Variants in DAB1 observed in about 807,000 individuals in gnomAD.
DAB1 encodes DAB adaptor protein 1, also known as disabled homolog 1.
Under a neutral mutation model 64.6 loss-of-function variants are expected in DAB1, and 15 were observed. That is an observed-to-expected ratio of 0.23 (90% CI 0.16 to 0.36). The LOEUF (loss-of-function observed/expected upper bound fraction) is 0.36, where lower values mean the gene tolerates loss of function less well. Among genes scored for constraint, DAB1 ranks in the 10% least tolerant of loss-of-function variants. The pLI is 1.00. For missense variants in DAB1, 596 were observed against 706.7 expected, an observed-to-expected ratio of 0.84 and a Z score of 1.78; for synonymous variants, 235 against 251.9, an observed-to-expected ratio of 0.93 and a Z score of 0.64.
At chr1:57,612,060 T>A (rs888762975) in intron 7 of DAB1, among the ~76,000 whole-genome samples, 1 of 151,928 alleles carries the variant, frequency 6.6e-6, no homozygotes, top group Non-Finnish European at 1.5e-5. Flanking sequence ...CACACAGACA[T>A]CCCCAGGACT....
intron 5 of DAB1, among the ~76,000 whole-genome samples, chr1:57,964,146 G>T (rs564788363): frequency 5.9e-5 from 9 of 152,270 alleles, no homozygotes; most frequent in African/African-American, 2.2e-4. Context: ...GGCTTTAGTG[G>T]CTCTGATCCC....
At chr1:58,020,870 G>A (rs1646805391) in intron 5 of DAB1, among the ~76,000 whole-genome samples, 1 of 152,132 alleles carries the variant, frequency 6.6e-6, no homozygotes. Flanking sequence ...AGGGGTGATG[G>A]CGCACACCTG....
chr1:57,611,286 T>C (rs1645723705), intron 7 of DAB1, among the ~76,000 whole-genome samples: 1 of 152,066 alleles, frequency 6.6e-6, no homozygotes, highest in African/African-American at 2.4e-5. Flanking sequence ...CCTTCCCTTT[T>C]AGGTAACTCA....
chr1:58,485,531 T>C (rs1274014915), intron 3 of DAB1, among the ~76,000 whole-genome samples: 4 of 152,138 alleles, frequency 2.6e-5, no homozygotes, highest in Admixed American at 6.5e-5. Context: ...GTTATGACCA[T>C]ACATATTTCT....
intron 5 of DAB1, among the ~76,000 whole-genome samples, chr1:58,034,213 G>C (rs887584154): frequency 6.6e-6 from 1 of 152,162 alleles, no homozygotes; most frequent in South Asian, 2.1e-4. Flanking sequence ...TACCATATTT[G>C]AACTGCTCCT....
intron 9 of DAB1, chr1:57,033,370 A>G (rs1647025989): frequency 1.2e-5 from 19 of 1,612,658 alleles, no homozygotes; most frequent in Non-Finnish European, 1.6e-5. Context: ...ATTTAACACA[A>G]ACCTCAAGGC....
At chr1:58,528,979 CTG>C (rs985334402) in intron 1 of DAB1, among the ~76,000 whole-genome samples, 62 of 152,272 alleles carry the variant, frequency 4.1e-4, no homozygotes, top group African/African-American at 1.4e-3. Flanking sequence ...TTATGACCAA[CTG>C]TGCTGATTCC....
chr1:57,376,650 T>C (rs1047015159), intron 1 of DAB1, among the ~76,000 whole-genome samples: 66 of 152,322 alleles, frequency 4.3e-4, no homozygotes, highest in African/African-American at 1.5e-3. Context: ...GGGATGACTT[T>C]GTATGTCCAG....
At chr1:57,081,643 T>C (rs1652568037) in intron 4 of DAB1, among the ~76,000 whole-genome samples, 2 of 151,970 alleles carry the variant, frequency 1.3e-5, no homozygotes, top group Admixed American at 1.3e-4. Flanking sequence ...AACTGAGAGA[T>C]TTCTGAACAA....
In DAB1 at chr1:57,407,274, C is replaced by T. The variant is rs569092571; in HGVS notation, c.-137+16656G>A. ...AGAGACCACCAAGGTCACAGCAAAA[C>T]GTGACCTAGTTTTTGAAGGGAGAAA... is the stretch of plus-strand genomic sequence containing the variant. On this transcript the variant is annotated intron_variant, in intron 1 of 14. Coordinates refer to ENST00000371236, the MANE Select transcript of DAB1 (RefSeq NM_001365792.1). Among the ~76,000 whole-genome samples, 6 of 152,210 alleles carry T rather than the reference C, an allele frequency of 3.9e-5. No homozygotes were observed. The South Asian group carries it at 8.3e-4, about 21-fold the overall frequency.
intron 7 of DAB1, among the ~76,000 whole-genome samples, chr1:57,605,376 C>A (rs1645624086): frequency 6.6e-6 from 1 of 152,102 alleles, no homozygotes; most frequent in South Asian, 2.1e-4. Flanking sequence ...GAGAGTAGAT[C>A]GGAGGCCTCT....
chr1:57,679,667 G>A (rs75422019), intron 6 of DAB1, among the ~76,000 whole-genome samples: 3,006 of 152,286 alleles, frequency 0.02, 99 homozygotes, highest in African/African-American at 0.068. Context: ...ACGCACACAC[G>A]CCTGTTTAGC....
At chr1:57,090,735 C>T (rs1041013175) in intron 4 of DAB1, among the ~76,000 whole-genome samples, 1 of 152,058 alleles carries the variant, frequency 6.6e-6, no homozygotes, top group Non-Finnish European at 1.5e-5. Flanking sequence ...CTTTAAGTGT[C>T]CTCTAATTGA....
rs11804457 is a variant in DAB1 at position 57,872,365 on chromosome 1, G to A, written n.87+11634C>T. Reference sequence around the variant, plus strand: ...AGAGACTCCTCATCCCTTCTCCCACGTGAGGACACAGTGAGAGGTATATCT... The same window carrying A: ...AGAGACTCCTCATCCCTTCTCCCACATGAGGACACAGTGAGAGGTATATCT... On this transcript the variant is annotated intron_variant and non_coding_transcript_variant, in intron 1 of 1. Transcript: ENST00000477280. Among the ~76,000 whole-genome samples the A allele has an allele frequency of 3.9e-4, 59 of 152,262 alleles. 1 individual carries two copies. The highest frequency in any genetic ancestry group is 1.3e-3 in the African/African-American group (56 of 41,542).
chr1:58,131,730 G>C (rs948364744), intron 5 of DAB1, among the ~76,000 whole-genome samples: 9 of 142,526 alleles, frequency 6.3e-5, no homozygotes, highest in African/African-American at 2.1e-4. Context: ...TGAGGTGTCA[G>C]TGTGCCCCTG....
intron 4 of DAB1, among the ~76,000 whole-genome samples, chr1:58,156,604 C>G (rs937229942): frequency 2.6e-5 from 4 of 152,138 alleles, no homozygotes; most frequent in African/African-American, 9.7e-5. Flanking sequence ...ATCATACAGA[C>G]AGGGCAGGGT....
At chr1:58,376,276 G>A (rs1189628343) in intron 3 of DAB1, among the ~76,000 whole-genome samples, 1 of 141,938 alleles carries the variant, frequency 7.0e-6, no homozygotes, top group Non-Finnish European at 1.6e-5. Flanking sequence ...ATGTTAGGGT[G>A]TCAATTTTGG....
chr1:58,066,954 GCT>G (rs1260435196), intron 5 of DAB1, among the ~76,000 whole-genome samples: 2 of 152,210 alleles, frequency 1.3e-5, no homozygotes, highest in Non-Finnish European at 2.9e-5. Context: ...TGCAGGGCCT[GCT>G]CCGGCCTCGC....
intron 2 of DAB1, among the ~76,000 whole-genome samples, chr1:58,525,458 T>G (rs895433172): frequency 6.6e-6 from 1 of 152,116 alleles, no homozygotes; most frequent in African/African-American, 2.4e-5. Context: ...GCAATTTACT[T>G]TAAAAATGAC....
Sources: allele counts gnomAD v4.1 joint callset (sites outside exome capture counted in the v4.1 genomes callset), GRCh38; gene constraint gnomAD v4.1.1; transcripts MANE v1.5; gene names NCBI Gene and HGNC (gene_info 2026-07-23, HGNC 2026-07-21).